Variants in DYNLT2B observed in about 807,000 individuals in gnomAD.
DYNLT2B encodes dynein light chain Tctex-type 2B.
A neutral mutation model predicts 19.5 loss-of-function variants in DYNLT2B; 14 were observed. That is an observed-to-expected ratio of 0.72 (90% CI 0.47 to 1.12). DYNLT2B has a LOEUF of 1.12. Among genes scored for constraint, DYNLT2B ranks in the 50% most tolerant of loss-of-function variants. The pLI is 0.00. For synonymous variants in DYNLT2B, 70 were observed against 59.7 expected, an observed-to-expected ratio of 1.17 and a Z score of -0.79; for missense variants, 133 against 174.7, an observed-to-expected ratio of 0.76 and a Z score of 1.35.
At chr3:196,291,399 A>G in intron 4 of DYNLT2B, 25 bp from the exon 5 acceptor site, 1 of 1,604,140 alleles carries the variant, frequency 6.2e-7, no homozygotes, top group Admixed American at 1.7e-5. Context: ...CAACACACAC[A>G]CACATCCAGA....
At chr3:196,317,506 TAGTGATCTCACAAACCTAGCTG>T (rs1457207302) in intron 1 of DYNLT2B, among the ~76,000 whole-genome samples, 2 of 131,826 alleles carry the variant, frequency 1.5e-5, no homozygotes, top group South Asian at 5.2e-4. Flanking sequence ...TGTGTAAAGT[TAGTGATCTCACAAACCTAGCTG>T]AGTACCCTCT....
At chr3:196,302,817 C>T (rs1228471064) in intron 3 of DYNLT2B, among the ~76,000 whole-genome samples, 3 of 152,024 alleles carry the variant, frequency 2.0e-5, no homozygotes, top group African/African-American at 7.2e-5. Context: ...CTCCATCTTG[C>T]GTCTAACCTC....
intron 3 of DYNLT2B, among the ~76,000 whole-genome samples, chr3:196,306,370 G>GT (rs1726486304): frequency 6.6e-6 from 1 of 151,468 alleles, no homozygotes; most frequent in Admixed American, 6.6e-5. Flanking sequence ...CAAGGCTGCA[G>GT]TGAGTTGTGA....
intron 4 of DYNLT2B, among the ~76,000 whole-genome samples, chr3:196,294,606 T>C (rs376181636): frequency 6.6e-6 from 1 of 152,222 alleles, no homozygotes; most frequent in East Asian, 1.9e-4. Flanking sequence ...TTTGGGAAAA[T>C]GTACTTCAGC....
chr3:196,298,078 C>A, intron 3 of DYNLT2B: 2 of 262,568 alleles, frequency 7.6e-6, no homozygotes, highest in Non-Finnish European at 7.6e-6. Flanking sequence ...CCCAGCTTGG[C>A]TGTTCTGCAA....
chr3:196,315,500 A>G (rs1157168938), intron 2 of DYNLT2B, among the ~76,000 whole-genome samples: 1 of 151,398 alleles, frequency 6.6e-6, no homozygotes, highest in Non-Finnish European at 1.5e-5. Flanking sequence ...TGACCTCGTG[A>G]TCCACCCGCC....
At chr3:196,317,281 T>TGTGGTG (rs200869314) in intron 1 of DYNLT2B, among the ~76,000 whole-genome samples, 1 of 52,672 alleles carries the variant, frequency 1.9e-5, no homozygotes, top group Admixed American at 2.7e-4. Context: ...TGTGTGTGTG[T>TGTGGTG]TGTGTGTGTG....
chr3:196,310,985 C>T (rs1196143403), intron 2 of DYNLT2B, among the ~76,000 whole-genome samples: 1 of 151,954 alleles, frequency 6.6e-6, no homozygotes, highest in Non-Finnish European at 1.5e-5. Context: ...ATCCACCCGC[C>T]TCGGCCTCCC....
rs1726792006 is a variant in DYNLT2B at position 196,316,341 on chromosome 3, T to A, written c.114-110A>T. 1.1e-5 allele frequency: 12 copies of A among 1,093,120 alleles called. No homozygotes were observed. In the East Asian group the frequency reaches 3.4e-4, roughly 31 times the overall value. The allele number at this position is 1,093,120 out of a possible 1,614,324, so 67.7% of individuals were successfully genotyped here. ...TCATTAGTACCACTTAATCCTTCTT[T>A]TTCATATTTTTTATTATAAAATATA... is the stretch of plus-strand genomic sequence containing the variant. On this transcript the variant is annotated intron_variant, in intron 1 of 4. Coordinates refer to ENST00000325318, the MANE Select transcript of DYNLT2B (RefSeq NM_152773.5).
At chr3:196,301,580 G>A (rs985328908) in intron 3 of DYNLT2B, among the ~76,000 whole-genome samples, 6 of 152,084 alleles carry the variant, frequency 3.9e-5, no homozygotes, top group African/African-American at 1.4e-4. Flanking sequence ...GGGTGTGGTG[G>A]TGGGCACCAG....
chr3:196,318,036 C>G lies in DYNLT2B; in HGVS notation c.113+4G>C. 1 of 1,515,816 alleles carries G rather than the reference C, an allele frequency of 6.6e-7. No individual in the cohort carries two copies. The highest frequency in any genetic ancestry group is 1.4e-5 in the African/African-American group (1 of 70,194). 93.9% of individuals were successfully genotyped at this position (1,515,816 alleles called of 1,614,324 possible). On this transcript the variant is annotated splice_donor_region_variant and intron_variant, in intron 1 of 4. Coordinates refer to ENST00000325318, the MANE Select transcript of DYNLT2B (RefSeq NM_152773.5). Reference sequence around the variant, plus strand: ...CGCCCCGCCACAGCCCGTCCTCTACCCGCCTCTGCTGGAAAACAGGCCGCA... The same window carrying G: ...CGCCCCGCCACAGCCCGTCCTCTACGCGCCTCTGCTGGAAAACAGGCCGCA...
chr3:196,293,818 T>C (rs986087099), intron 4 of DYNLT2B, among the ~76,000 whole-genome samples: 1 of 150,234 alleles, frequency 6.7e-6, no homozygotes, highest in Non-Finnish European at 1.5e-5. Flanking sequence ...CTAATTTTTG[T>C]ATTTTTAGTA....
chr3:196,315,968 G>T, intron 2 of DYNLT2B, 130 bp downstream of exon 2: 1 of 969,452 alleles, frequency 1.0e-6, no homozygotes, highest in Non-Finnish European at 1.5e-6. Flanking sequence ...GCATGCTAAA[G>T]TGTTGGGATT....
intron 3 of DYNLT2B, among the ~76,000 whole-genome samples, chr3:196,306,033 C>T (rs1023593639): frequency 6.6e-6 from 1 of 151,368 alleles, no homozygotes; most frequent in Non-Finnish European, 1.5e-5. Flanking sequence ...CAAGATCTTA[C>T]GTCTTAAAAA....
At chr3:196,311,324 A>C (rs1577393130) in intron 2 of DYNLT2B, among the ~76,000 whole-genome samples, 1 of 151,596 alleles carries the variant, frequency 6.6e-6, no homozygotes, top group African/African-American at 2.4e-5. Flanking sequence ...CGGAGATGGG[A>C]GGATTGCTTG....
intron 3 of DYNLT2B, among the ~76,000 whole-genome samples, chr3:196,300,730 C>CAAAA (rs1171224774): frequency 1.5e-5 from 1 of 68,844 alleles, no homozygotes; most frequent in African/African-American, 5.9e-5. Flanking sequence ...ACTCTGTCTC[C>CAAAA]AAAAAAAAAA....
chr3:196,299,163 C>T (rs143309189), intron 3 of DYNLT2B, among the ~76,000 whole-genome samples: 372 of 151,828 alleles, frequency 2.5e-3, no homozygotes, highest in African/African-American at 8.4e-3. Context: ...TGGCTCACTG[C>T]AACCACAACC....
At chr3:196,291,424 G>C in intron 4 of DYNLT2B, 50 bp from the exon 5 acceptor site, 2 of 1,563,376 alleles carry the variant, frequency 1.3e-6, no homozygotes, top group Non-Finnish European at 1.7e-6. Flanking sequence ...TAGTACTAAA[G>C]AGGGAATGAG....
chr3:196,304,293 G>A (rs1304181322), intron 3 of DYNLT2B, among the ~76,000 whole-genome samples: 2 of 151,922 alleles, frequency 1.3e-5, no homozygotes, highest in Non-Finnish European at 2.9e-5. Context: ...CACCATGCCC[G>A]GCTAATTTTT....
Sources: gnomAD v4.1 joint callset for allele counts (sites outside exome capture counted in the v4.1 genomes callset) on GRCh38, gnomAD v4.1.1 for gene constraint, MANE v1.5 for transcripts, NCBI Gene and HGNC (gene_info 2026-07-23, HGNC 2026-07-21) for gene names.